The following MKX variants were observed in gnomAD, a reference collection of about 807,000 sequenced individuals.
MKX encodes homeobox protein Mohawk.
In MKX, 13 loss-of-function variants were observed where a neutral mutation model predicts 36.0. The ratio of observed to expected loss-of-function variants is 0.36; its 90% CI spans 0.24 to 0.57. The LOEUF is 0.57. Among genes scored for constraint, MKX ranks in the 20% least tolerant of loss-of-function variants. MKX has a pLI of 0.79. For synonymous variants in MKX, 176 were observed against 178.3 expected, an observed-to-expected ratio of 0.99 and a Z score of 0.10; for missense variants, 458 against 456.4, an observed-to-expected ratio of 1.00 and a Z score of -0.03.
At chr10:27,676,918 CAG>C (rs1365013323) in intron 5 of MKX, among the ~76,000 whole-genome samples, 1 of 152,148 alleles carries the variant, frequency 6.6e-6, no homozygotes, top group Non-Finnish European at 1.5e-5. Flanking sequence ...CTGCTTCACT[CAG>C]AACACGAATG....
At chr10:27,723,374 C>T (rs1363188724) in intron 5 of MKX, among the ~76,000 whole-genome samples, 1 of 152,106 alleles carries the variant, frequency 6.6e-6, no homozygotes, top group African/African-American at 2.4e-5. Context: ...CTCCTTGACC[C>T]ATCTGGATAG....
chr10:27,690,305 G>A (rs1836430456), intron 5 of MKX, among the ~76,000 whole-genome samples: 1 of 152,032 alleles, frequency 6.6e-6, no homozygotes, highest in Non-Finnish European at 1.5e-5. Flanking sequence ...CGGAGGCGGA[G>A]GTTGCAGTGA....
chr10:27,734,990 T>C (rs961954981), intron 4 of MKX, among the ~76,000 whole-genome samples, 199 bp from the exon 5 acceptor site: 7 of 152,216 alleles, frequency 4.6e-5, no homozygotes, highest in Non-Finnish European at 7.3e-5. Flanking sequence ...TTAATTTTAA[T>C]GAATTTCACT....
At chr10:27,736,459 A>G (rs1834779899) in intron 3 of MKX, among the ~76,000 whole-genome samples, 1 of 152,088 alleles carries the variant, frequency 6.6e-6, no homozygotes, top group African/African-American at 2.4e-5. Context: ...CAGTGCATAG[A>G]TTTTTAGAAA....
At chr10:27,715,144 A>G (rs185344773) in intron 5 of MKX, among the ~76,000 whole-genome samples, 220 of 151,550 alleles carry the variant, frequency 1.5e-3, no homozygotes, top group Non-Finnish European at 2.3e-3. Context: ...CAATTGCTGT[A>G]CTTTCCTTTA....
intron 5 of MKX, among the ~76,000 whole-genome samples, chr10:27,701,595 T>C (rs2132527070): frequency 6.9e-6 from 1 of 145,430 alleles, no homozygotes; most frequent in East Asian, 2.0e-4. Flanking sequence ...AAAATTATTG[T>C]TTTTAATATT....
chr10:27,739,097 G>C (rs1005428756), intron 3 of MKX, among the ~76,000 whole-genome samples: 2 of 152,006 alleles, frequency 1.3e-5, no homozygotes, highest in Non-Finnish European at 2.9e-5. Context: ...CATTATTAGA[G>C]GAGGAAGCAT....
chr10:27,708,143 G>T (rs1255155067), intron 5 of MKX, among the ~76,000 whole-genome samples: 2 of 152,146 alleles, frequency 1.3e-5, no homozygotes, highest in Non-Finnish European at 2.9e-5. Flanking sequence ...TCCAACCATA[G>T]AATATTGAAA....
chr10:27,686,950 T>C (rs533582458), intron 5 of MKX, among the ~76,000 whole-genome samples: 43 of 151,948 alleles, frequency 2.8e-4, no homozygotes, highest in South Asian at 4.2e-4. Context: ...TTTCTGTCAA[T>C]GCATAGTCCC....
chr10:27,743,619 C>T lies in MKX; in HGVS notation c.-82-122G>A, dbSNP rs1013491916. On this transcript the variant is annotated intron_variant, in intron 1 of 6. Transcript: ENST00000419761. ...GAGCCGAGGGGAGGAGCGGCGCCGCCGCAACTGGCAGGGACCCTGCGGCTC... is the reference window on the plus strand; with the variant it reads ...GAGCCGAGGGGAGGAGCGGCGCCGCTGCAACTGGCAGGGACCCTGCGGCTC... The T allele has an allele frequency of 5.8e-5, 32 of 556,242 alleles. 1 individual carries two copies. In the Admixed American group the frequency reaches 7.3e-4, roughly 13 times the overall value. 34.5% of individuals were successfully genotyped at this position (556,242 alleles called of 1,614,324 possible). A position where few individuals can be genotyped will look rare whatever the true frequency, so the allele number is the denominator to read the frequency against.
intron 5 of MKX, among the ~76,000 whole-genome samples, chr10:27,691,549 G>T (rs574673784): frequency 1.6e-4 from 25 of 151,848 alleles, no homozygotes; most frequent in Admixed American, 1.3e-4. Context: ...ATTTTTTTTT[G>T]TAATAATTTC....
chr10:27,697,394 C>T (rs1464982509), intron 5 of MKX, among the ~76,000 whole-genome samples: 1 of 152,186 alleles, frequency 6.6e-6, no homozygotes, highest in African/African-American at 2.4e-5. Context: ...TTAATACAAC[C>T]TGTGATGATA....
At chr10:27,704,861 A>T (rs1337954690) in intron 5 of MKX, among the ~76,000 whole-genome samples, 1 of 152,196 alleles carries the variant, frequency 6.6e-6, no homozygotes, top group African/African-American at 2.4e-5. Flanking sequence ...TACATTTCAA[A>T]ATGGCTACAT....
chr10:27,703,656 T>A (rs541525415), intron 5 of MKX, among the ~76,000 whole-genome samples: 1 of 152,222 alleles, frequency 6.6e-6, no homozygotes, highest in East Asian at 1.9e-4. Context: ...CCCAACACTT[T>A]GGGAGGCCGT....
chr10:27,701,566 A>G (rs1836655704), intron 5 of MKX, among the ~76,000 whole-genome samples: 1 of 145,678 alleles, frequency 6.9e-6, no homozygotes, highest in Admixed American at 6.9e-5. Context: ...AAAATAATGT[A>G]TAAATGTATA....
At chr10:27,711,442 TC>T (rs749941397) in intron 5 of MKX, among the ~76,000 whole-genome samples, 1 of 8,310 alleles carries the variant, frequency 1.2e-4, no homozygotes, top group South Asian at 9.3e-3. Context: ...TTTCTTTCTT[TC>T]TTTCTTTCTT....
At chr10:27,732,627 T>C (rs1479479118) in intron 5 of MKX, among the ~76,000 whole-genome samples, 3 of 152,204 alleles carry the variant, frequency 2.0e-5, no homozygotes, top group Non-Finnish European at 4.4e-5. Flanking sequence ...TTTTATTTTA[T>C]TTTTCAATTA....
chr10:27,720,111 A>T (rs981826345), intron 5 of MKX, among the ~76,000 whole-genome samples: 5 of 152,128 alleles, frequency 3.3e-5, no homozygotes, highest in African/African-American at 1.2e-4. Flanking sequence ...GAGGAGAAAG[A>T]TGAGAAACAT....
intron 5 of MKX, among the ~76,000 whole-genome samples, chr10:27,683,165 C>T (rs141337290): frequency 6.6e-6 from 1 of 152,268 alleles, no homozygotes; most frequent in East Asian, 1.9e-4. Flanking sequence ...CTGCTTATCT[C>T]CTGCTATGCA....
Sources: gnomAD v4.1 joint callset for allele counts (sites outside exome capture counted in the v4.1 genomes callset) on GRCh38, gnomAD v4.1.1 for gene constraint, MANE v1.5 for transcripts, NCBI Gene and HGNC (gene_info 2026-07-23, HGNC 2026-07-21) for gene names.